Variants in DNAJC13 observed in about 807,000 individuals in gnomAD.
DNAJC13 encodes DnaJ heat shock protein family (Hsp40) member C13, also known as dnaJ homolog subfamily C member 13.
Under a neutral mutation model 290.5 loss-of-function variants are expected in DNAJC13, and 75 were observed. The ratio of observed to expected loss-of-function variants is 0.26; its 90% confidence interval spans 0.21 to 0.31. The LOEUF (loss-of-function observed/expected upper bound fraction) is 0.31. DNAJC13 is among the 10% of genes least tolerant of loss of function. DNAJC13 has a pLI of 1.00. For missense variants in DNAJC13, 2,260 were observed against 2,674.5 expected (o/e 0.85, Z 3.42); for synonymous variants, 862 against 892.0 (o/e 0.97, Z 0.60).
intron 6 of DNAJC13, among the ~76,000 whole-genome samples, chr3:132,451,818 G>A (rs1025584355): frequency 2.6e-5 from 4 of 152,170 alleles, no homozygotes; most frequent in Admixed American, 6.5e-5. Context: ...CAATGATGGG[G>A]GCTAGATAAT....
At position 132,514,501 on chromosome 3, in the gene DNAJC13, A is replaced by G. The variant is rs964719261; in HGVS notation, c.5386-70A>G. 46 of 1,086,366 alleles carry G rather than the reference A, an allele frequency of 4.2e-5. No homozygotes were observed. The African/African-American group carries it at 6.0e-4, about 14-fold the overall frequency. The allele number at this position is 1,086,366 out of a possible 1,614,324, so 67.3% of individuals were successfully genotyped here. On this transcript the variant is annotated intron_variant, in intron 45 of 55. Transcript: ENST00000260818. ...AACATTTGTCTCACTTGTACAGTCT[A>G]TATGACCTAATTTGATTTAGGTTCA...
chr3:132,441,510 G>T (rs765358862), intron 2 of DNAJC13, among the ~76,000 whole-genome samples: 1 of 152,170 alleles, frequency 6.6e-6, no homozygotes, highest in Non-Finnish European at 1.5e-5. Context: ...GCCTGTTGGC[G>T]TAGATTCTCC....
chr3:132,465,942 C>T, intron 17 of DNAJC13, 53 bp from the exon 18 acceptor site: 5 of 1,221,642 alleles, frequency 4.1e-6, no homozygotes, highest in Non-Finnish European at 5.8e-6. Flanking sequence ...AAATTCCTTT[C>T]TGTTCTAGCT....
chr3:132,504,015 A>G (rs1935507477), intron 41 of DNAJC13, among the ~76,000 whole-genome samples: 1 of 152,078 alleles, frequency 6.6e-6, no homozygotes, highest in African/African-American at 2.4e-5. Context: ...ATTAAAATAA[A>G]TGAAGACACT....
intron 46 of DNAJC13, among the ~76,000 whole-genome samples, chr3:132,515,376 A>G (rs1349690899): frequency 1.3e-5 from 2 of 152,122 alleles, no homozygotes; most frequent in Non-Finnish European, 2.9e-5. Flanking sequence ...CGTTCATCTT[A>G]TATACCAGTG....
chr3:132,419,011 T>C (rs1938879256), intron 1 of DNAJC13, among the ~76,000 whole-genome samples: 1 of 152,388 alleles, frequency 6.6e-6, no homozygotes, highest in South Asian at 2.1e-4. Context: ...ATCTATCATA[T>C]AACGTAAAAC....
intron 2 of DNAJC13, among the ~76,000 whole-genome samples, chr3:132,440,721 G>A (rs899770234): frequency 3.3e-5 from 5 of 152,214 alleles, no homozygotes; most frequent in Admixed American, 6.5e-5. Context: ...GAAGAAATCT[G>A]TGATAGTCAC....
intron 55 of DNAJC13, among the ~76,000 whole-genome samples, chr3:132,531,990 A>G (rs796101096): frequency 3.3e-5 from 5 of 152,342 alleles, no homozygotes; most frequent in African/African-American, 1.2e-4. Context: ...TAATTTTAGA[A>G]TAGTCATTTT....
intron 48 of DNAJC13, 130 bp downstream of exon 48, chr3:132,516,946 A>C: frequency 1.2e-6 from 1 of 801,876 alleles, no homozygotes; most frequent in Non-Finnish European, 2.0e-6. Flanking sequence ...AAAGTTGGAA[A>C]ATTCACATTC....
Position 132,468,139 on chromosome 3 carries a change from G to T in DNAJC13, c.2208+826G>T, listed in dbSNP as rs113998087. 3.2e-3 allele frequency among the ~76,000 whole-genome samples: 485 copies of T among 152,294 alleles called. 3 individuals are homozygous for T. Among genetic ancestry groups the T allele is most frequent in the African/African-American group, 0.011 (467 of 41,552 alleles). The stretch of plus-strand genomic sequence containing the variant: ...CAGTTTTAGTCTCATTCTTCAGCAT[G>T]CAGTGTGTTCTACAGAACCTGATTC... On this transcript the variant is annotated intron_variant, in intron 20 of 55. Transcript: ENST00000260818.
At position 132,487,559 on chromosome 3, in the gene DNAJC13, A is replaced by ATTTTTTTTTTTT. The variant is rs10663131; in HGVS notation, c.3268-730_3268-719dup. ...GCGTGAGCCACCATGCCTGGCTGTA[A>ATTTTTTTTTTTT]TTTTTTTTTTTTTTTTTTTTACTGG... is the stretch of plus-strand genomic sequence containing the variant. On this transcript the variant is annotated intron_variant, in intron 29 of 55. Coordinates refer to ENST00000260818, the MANE Select transcript of DNAJC13 (RefSeq NM_015268.4). Among the ~76,000 whole-genome samples, 122 of 110,406 alleles carry ATTTTTTTTTTTT rather than the reference A, an allele frequency of 1.1e-3. 5 individuals carry two copies. The highest frequency in any genetic ancestry group is 6.4e-3 in the East Asian group (25 of 3,900). The allele number at this position is 110,406 out of a possible 152,430, so 72.4% of individuals were successfully genotyped here. A position where few individuals can be genotyped will look rare whatever the true frequency, so the allele number is the denominator to read the frequency against.
At chr3:132,437,075 C>CTACTAA (rs964843301) in intron 2 of DNAJC13, among the ~76,000 whole-genome samples, 37 of 152,014 alleles carry the variant, frequency 2.4e-4, no homozygotes, top group Admixed American at 1.2e-3. Context: ...GACAGGGTTT[C>CTACTAA]ACCATGTTGG....
chr3:132,462,226 T>C (rs774253397), intron 15 of DNAJC13, among the ~76,000 whole-genome samples: 3 of 152,188 alleles, frequency 2.0e-5, no homozygotes, highest in African/African-American at 4.8e-5. Flanking sequence ...TTATAATTAT[T>C]CAAATAGATG....
At chr3:132,471,103 G>A (rs1934226853) in intron 20 of DNAJC13, among the ~76,000 whole-genome samples, 1 of 137,032 alleles carries the variant, frequency 7.3e-6, no homozygotes, top group African/African-American at 2.7e-5. Flanking sequence ...GGGGCGGCTG[G>A]CCGGGTGGGG....
chr3:132,436,112 T>G (rs1389092216), intron 2 of DNAJC13, among the ~76,000 whole-genome samples: 1 of 152,202 alleles, frequency 6.6e-6, no homozygotes, highest in African/African-American at 2.4e-5. Context: ...TTTAGTGTAT[T>G]CATAAAGTTG....
At position 132,523,562 on chromosome 3, in the gene DNAJC13, T is replaced by C; in HGVS notation, c.5909T>C (p.Val1970Ala). The change falls in exon 51 of 56, where the codon GTG (valine) becomes GCG (alanine). Residue 1970 changes from valine (V) to alanine (A), a missense_variant. This residue lies in a region of DNAJC13 where 1,494 missense variants were observed against 1,693.7 expected (regional missense o/e 0.88). Transcript: ENST00000260818. ...AAGTTGCCTGAAGATTTTGCTGTGG[T>C]GTTTGGAGAAGCAGAGGGTGAACTT... ...NWKLPEDFAV[V>A]FGEAEGELAV... 2 of 1,613,650 alleles carry C rather than the reference T, an allele frequency of 1.2e-6. No homozygotes were observed. The highest frequency in any genetic ancestry group is 1.7e-4 in the Middle Eastern group (1 of 6,058).
At chr3:132,426,363 C>G (rs886901957) in intron 1 of DNAJC13, among the ~76,000 whole-genome samples, 2 of 152,148 alleles carry the variant, frequency 1.3e-5, no homozygotes, top group Non-Finnish European at 2.9e-5. Flanking sequence ...AATCATGGGT[C>G]TTTGAGAATT....
rs543410484 is a variant in DNAJC13, at chr3:132,496,853, A to G, written c.4156+190A>G. On this transcript the variant is annotated intron_variant, in intron 36 of 55. Transcript: ENST00000260818. ...AGAAGGGCCCAAATATTTGTTTTATATCTTTCCCTTCATAACTATGTTTTT... is the reference window on the plus strand; with the variant it reads ...AGAAGGGCCCAAATATTTGTTTTATGTCTTTCCCTTCATAACTATGTTTTT... Among the ~76,000 whole-genome samples, 34 of 152,308 alleles carry G rather than the reference A, an allele frequency of 2.2e-4. No homozygotes were observed. In the East Asian group the frequency reaches 6.5e-3, roughly 29 times the overall value.
At chr3:132,449,330 T>C (rs1933351938) in intron 5 of DNAJC13, among the ~76,000 whole-genome samples, 1 of 152,148 alleles carries the variant, frequency 6.6e-6, no homozygotes, top group East Asian at 1.9e-4. Context: ...CACATCTCAT[T>C]AATGGCAGTT....
Sources: allele counts gnomAD v4.1 joint callset (sites outside exome capture counted in the v4.1 genomes callset), GRCh38; gene constraint gnomAD v4.1.1; regional missense constraint gnomAD v4.1.1; transcripts MANE v1.5; gene names NCBI Gene and HGNC (gene_info 2026-07-23, HGNC 2026-07-21).